The following ARNT variants were observed in gnomAD, a reference collection of about 807,000 sequenced individuals.
ARNT encodes class E basic helix-loop-helix protein 2.
Under a neutral mutation model 105.0 loss-of-function variants are expected in ARNT, and 30 were observed. The ratio of observed to expected loss-of-function variants is 0.29; its 90% confidence interval spans 0.21 to 0.39. The LOEUF (loss-of-function observed/expected upper bound fraction) is 0.39. ARNT is among the 10% of genes least tolerant of loss of function. The probability of loss-of-function intolerance (pLI) is 1.00; values close to 1 mark genes in which losing one functional copy is unlikely to be tolerated. For missense variants in ARNT, 748 were observed against 978.7 expected (o/e 0.76, Z 3.15); for synonymous variants, 304 against 344.0 (o/e 0.88, Z 1.29).
intron 19 of ARNT, 66 bp downstream of exon 19, chr1:150,816,193 C>A: frequency 6.6e-7 from 1 of 1,524,520 alleles, no homozygotes; most frequent in Non-Finnish European, 8.8e-7. Context: ...ACTGATTTTA[C>A]ATACGGAAAA....
At chr1:150,817,665 C>T (rs1382021656) in intron 15 of ARNT, among the ~76,000 whole-genome samples, 1 of 151,806 alleles carries the variant, frequency 6.6e-6, no homozygotes, top group Admixed American at 6.6e-5. Flanking sequence ...AAAAATTAGC[C>T]GGGGGTGGTG....
intron 14 of ARNT, 39 bp downstream of exon 14, chr1:150,823,155 A>G (rs113737018): frequency 1.4e-6 from 2 of 1,479,146 alleles, no homozygotes; most frequent in Non-Finnish European, 1.8e-6. Flanking sequence ...GTGAGAACAG[A>G]GGAAAAACAG....
intron 1 of ARNT, among the ~76,000 whole-genome samples, chr1:150,874,501 T>C (rs1452639563): frequency 1.3e-5 from 2 of 152,030 alleles, no homozygotes; most frequent in African/African-American, 4.8e-5. Flanking sequence ...ATGGGCAACA[T>C]AGCAAGGCAT....
intron 1 of ARNT, 130 bp downstream of exon 1, chr1:150,876,413 G>T (rs1156838896): frequency 3.9e-6 from 4 of 1,022,500 alleles, no homozygotes; most frequent in Non-Finnish European, 5.0e-6. Flanking sequence ...CTCCCCCACC[G>T]TCTCTCGCGG....
At chr1:150,855,162 GA>G (rs1219579189) in intron 2 of ARNT, among the ~76,000 whole-genome samples, 4 of 152,080 alleles carry the variant, frequency 2.6e-5, no homozygotes, top group Non-Finnish European at 4.4e-5. Context: ...TAGGTACAAA[GA>G]AGTTCTTTTT....
At chr1:150,851,838 A>C (rs1470482216) in intron 3 of ARNT, among the ~76,000 whole-genome samples, 1 of 152,114 alleles carries the variant, frequency 6.6e-6, no homozygotes, top group Non-Finnish European at 1.5e-5. Context: ...TGCGAGAAAC[A>C]CCCAAGAATG....
intron 14 of ARNT, among the ~76,000 whole-genome samples, chr1:150,820,455 A>T (rs1396749428): frequency 6.6e-6 from 1 of 152,162 alleles, no homozygotes; most frequent in Admixed American, 6.6e-5. Flanking sequence ...CCAGGAGTTT[A>T]AGACCAGACT....
rs371168127 is a variant in ARNT, at chr1:150,829,956, G to A, written c.980C>T (p.Pro327Leu). Reference sequence around the variant, plus strand: ...AAACTTGCTTCCCTGGCCAGCCTCTGGGTCATCATCTGGGAGGGAAACACC... The same window carrying A: ...AAACTTGCTTCCCTGGCCAGCCTCTAGGTCATCATCTGGGAGGGAAACACC... The part of the protein sequence containing the change: ...PAGVSLPDDD[P>L]EAGQGSKFCL... Residue 327 changes from proline (P) to leucine (L), a missense_variant, in exon 11 of 22, where the codon CCA becomes CTA. Coordinates refer to ENST00000358595, the MANE Select transcript of ARNT (RefSeq NM_001668.4). 4 of 1,614,068 alleles carry A rather than the reference G, an allele frequency of 2.5e-6. No individual in the cohort carries two copies. The highest frequency in any genetic ancestry group is 3.4e-6 in the Non-Finnish European group (4 of 1,180,046).
At chr1:150,817,899 G>A (rs1393629480) in intron 15 of ARNT, 21 bp downstream of exon 15, 1 of 1,576,762 alleles carries the variant, frequency 6.3e-7, no homozygotes, top group East Asian at 2.2e-5. Context: ...CTCAACAGAT[G>A]ATTATTTCAC....
At chr1:150,870,476 T>A (rs1667254405) in intron 1 of ARNT, among the ~76,000 whole-genome samples, 1 of 152,146 alleles carries the variant, frequency 6.6e-6, no homozygotes, top group African/African-American at 2.4e-5. Context: ...TCTGCTCTCA[T>A]GGAACTTATA....
At chr1:150,817,467 G>GA (rs754195399) in intron 15 of ARNT, 34 bp from the exon 16 acceptor site, 152 of 1,588,902 alleles carry the variant, frequency 9.6e-5, no homozygotes, top group African/African-American at 2.2e-4. Flanking sequence ...AAGACAAATA[G>GA]AAAAAAAAAT....
At chr1:150,870,499 T>C (rs1248571282) in intron 1 of ARNT, among the ~76,000 whole-genome samples, 1 of 152,126 alleles carries the variant, frequency 6.6e-6, no homozygotes, top group African/African-American at 2.4e-5. Flanking sequence ...CTAAGTATGC[T>C]GGTTTTGTTG....
intron 1 of ARNT, among the ~76,000 whole-genome samples, chr1:150,865,666 T>C (rs1666442865): frequency 6.6e-6 from 1 of 152,174 alleles, no homozygotes; most frequent in South Asian, 2.1e-4. Context: ...TCTTACAGTC[T>C]AGTGAACACG....
At chr1:150,827,720 G>A (rs975893122) in intron 12 of ARNT, among the ~76,000 whole-genome samples, 1 of 152,220 alleles carries the variant, frequency 6.6e-6, no homozygotes, top group African/African-American at 2.4e-5. Flanking sequence ...TAGGCTAAGA[G>A]TATGTTTAAC....
At chr1:150,874,133 G>A (rs1198255578) in intron 1 of ARNT, among the ~76,000 whole-genome samples, 1 of 151,364 alleles carries the variant, frequency 6.6e-6, no homozygotes, top group Non-Finnish European at 1.5e-5. Flanking sequence ...AGGAAAGAAG[G>A]TATGACAGTG....
At chr1:150,838,078 AT>A (rs1219798315) in intron 6 of ARNT, among the ~76,000 whole-genome samples, 1 of 152,188 alleles carries the variant, frequency 6.6e-6, no homozygotes. Context: ...GATCTAATAC[AT>A]TTTTTATGTC....
intron 1 of ARNT, among the ~76,000 whole-genome samples, chr1:150,859,557 G>A (rs1665236471): frequency 1.3e-5 from 2 of 150,352 alleles, no homozygotes; most frequent in African/African-American, 4.9e-5. Flanking sequence ...GGGTCTCACT[G>A]TGTTCCCCAG....
rs143151470 is a variant in ARNT at position 150,845,106 on chromosome 1, C to G, written c.227+1157G>C. On this transcript the variant is annotated intron_variant, in intron 4 of 21. Transcript: ENST00000358595. Reference sequence around the variant, plus strand: ...ATTACAGGCATATGCCACCACTCCCCGCCTCTTACTGTCATTTTTAAAAAA... The same window carrying G: ...ATTACAGGCATATGCCACCACTCCCGGCCTCTTACTGTCATTTTTAAAAAA... 9.0e-3 allele frequency among the ~76,000 whole-genome samples: 1,366 copies of G among 152,028 alleles called. 9 individuals are homozygous for G. The highest frequency in any genetic ancestry group is 0.011 in the Non-Finnish European group (719 of 67,968).
intron 2 of ARNT, among the ~76,000 whole-genome samples, chr1:150,855,278 T>C (rs190286311): frequency 6.6e-6 from 1 of 152,144 alleles, no homozygotes; most frequent in Admixed American, 6.5e-5. Flanking sequence ...TTTATGGCTG[T>C]GCGCAGTGGC....
Sources: gnomAD v4.1 joint callset for allele counts (sites outside exome capture counted in the v4.1 genomes callset) on GRCh38, gnomAD v4.1.1 for gene constraint, MANE v1.5 for transcripts, NCBI Gene and HGNC (gene_info 2026-07-23, HGNC 2026-07-21) for gene names.